Variants in HTT observed in about 807,000 individuals in gnomAD.
HTT encodes huntington disease protein.
HTT carries 104 observed loss-of-function variants against 362.3 expected under a neutral mutation model. The ratio of observed to expected loss-of-function variants is 0.29; its 90% CI spans 0.24 to 0.34. The LOEUF (loss-of-function observed/expected upper bound fraction) is 0.34. Among genes scored for constraint, HTT ranks in the 10% least tolerant of loss-of-function variants. The probability of loss-of-function intolerance (pLI) is 1.00; values close to 1 mark genes in which losing one functional copy is unlikely to be tolerated. For missense variants in HTT, 3,301 were observed against 3,928.6 expected, an observed-to-expected ratio of 0.84 and a Z score of 4.27; for synonymous variants, 1,577 against 1,548.7, an observed-to-expected ratio of 1.02 and a Z score of -0.43.
Position 3,074,890 on chromosome 4 carries a change from AGC to A in HTT, c.66_67del (p.Gln23AlafsTer59), listed in dbSNP as rs1491587733. The A allele has an allele frequency of 7.0e-7, 1 of 1,432,470 alleles. No individual in the cohort carries two copies. Among genetic ancestry groups the A allele is most frequent in the Non-Finnish European group, 9.2e-7 (1 of 1,082,060 alleles). 88.7% of individuals were successfully genotyped at this position (1,432,470 alleles called of 1,614,324 possible). A position where few individuals can be genotyped will look rare whatever the true frequency, so the allele number is the denominator to read the frequency against. On this transcript the variant is annotated frameshift_variant, in exon 1 of 67. Transcript: ENST00000355072. LOFTEE classifies it high-confidence loss of function. ...CTCAAGTCCTTCCAGCAGCAGCAGC[AGC>A]AGCAGCAGCAGCAGCAGCAGCAGCA...
rs192193192 is a variant in HTT, at chr4:3,204,274, A to G, written c.5718+126A>G. Reference sequence around the variant, plus strand: ...CCGGTGTCCTGCCAAGCTCCATCGAAACTAAATCTAGAATGAATGTTTACT... The same window carrying G: ...CCGGTGTCCTGCCAAGCTCCATCGAGACTAAATCTAGAATGAATGTTTACT... On this transcript the variant is annotated intron_variant, in intron 42 of 66. Coordinates refer to ENST00000355072, the MANE Select transcript of HTT (RefSeq NM_001388492.1). 2.2e-4 allele frequency: 188 copies of G among 839,768 alleles called. 1 individual carries two copies. In the East Asian group the frequency reaches 4.4e-3, roughly 20 times the overall value. The allele number at this position is 839,768 out of a possible 1,614,324, so 52.0% of individuals were successfully genotyped here.
intron 5 of HTT, 51 bp downstream of exon 5, chr4:3,105,487 G>C: frequency 8.7e-7 from 1 of 1,148,862 alleles, no homozygotes; most frequent in African/African-American, 1.5e-5. Context: ...AGCTGCTACT[G>C]ATCCTTTATG....
intron 1 of HTT, among the ~76,000 whole-genome samples, chr4:3,085,079 C>T (rs923137927): frequency 5.9e-5 from 9 of 151,604 alleles, no homozygotes; most frequent in Non-Finnish European, 8.8e-5. Context: ...CCCCTCCTTA[C>T]GCTTGTGTGC....
chr4:3,230,911 A>G (rs1721217775), intron 60 of HTT, among the ~76,000 whole-genome samples: 2 of 152,358 alleles, frequency 1.3e-5, no homozygotes, highest in East Asian at 1.9e-4. Flanking sequence ...AGACCATCCC[A>G]GCGGTCAAGT....
chr4:3,230,467 A>G (rs1009639252), intron 60 of HTT, among the ~76,000 whole-genome samples: 13 of 152,146 alleles, frequency 8.5e-5, no homozygotes, highest in African/African-American at 3.1e-4. Context: ...CTGGCTGGAC[A>G]GCTTCTCTCC....
chr4:3,189,026 G>A lies in HTT; in HGVS notation c.5301G>A (p.Gln1767=), dbSNP rs1718898938. 6.2e-7 allele frequency: 1 copy of A among 1,613,914 alleles called. No homozygotes were observed. Among genetic ancestry groups the A allele is most frequent in the South Asian group, 1.1e-5 (1 of 91,082 alleles). ...AGCTGAAGGTGGAAATGAGTGAGCAGCAACATACTTTCTATTGCCAGGAAC... is the reference window on the plus strand; with the variant it reads ...AGCTGAAGGTGGAAATGAGTGAGCAACAACATACTTTCTATTGCCAGGAAC... ...TKQLKVEMSE[Q]QHTFYCQELG... Residue 1767 remains glutamine (Q), a synonymous_variant, in exon 40 of 67, where the codon CAG becomes CAA. Coordinates refer to ENST00000355072, the MANE Select transcript of HTT (RefSeq NM_001388492.1).
chr4:3,159,488 C>T (rs1235651979), intron 28 of HTT, among the ~76,000 whole-genome samples: 1 of 152,228 alleles, frequency 6.6e-6, no homozygotes, highest in African/African-American at 2.4e-5. Context: ...TCAGTGGTGT[C>T]ACTGCTGGAT....
At chr4:3,082,508 G>A (rs913535720) in intron 1 of HTT, among the ~76,000 whole-genome samples, 1 of 152,124 alleles carries the variant, frequency 6.6e-6, no homozygotes, top group African/African-American at 2.4e-5. Context: ...ATGTCCATAG[G>A]TCCTTGCTAT....
intron 40 of HTT, among the ~76,000 whole-genome samples, chr4:3,194,689 G>C (rs1012119205): frequency 6.6e-6 from 1 of 152,152 alleles, no homozygotes; most frequent in Non-Finnish European, 1.5e-5. Flanking sequence ...GCTCACGGAG[G>C]CATGCTCACC....
intron 2 of HTT, among the ~76,000 whole-genome samples, chr4:3,088,929 T>C (rs897280075): frequency 2.1e-4 from 32 of 152,180 alleles, no homozygotes; most frequent in Admixed American, 1.9e-3. Context: ...AAATAACAAA[T>C]GAGCATATGT....
chr4:3,229,659 T>C (rs972917429), intron 59 of HTT, among the ~76,000 whole-genome samples: 19 of 150,722 alleles, frequency 1.3e-4, no homozygotes, highest in African/African-American at 4.4e-4. Context: ...ACACACCACA[T>C]ACGCCACATG....
chr4:3,199,969 C>T lies in HTT; in HGVS notation c.5576+30C>T, dbSNP rs200496198. ...GTTCATAATGCCCCACAGCCCAGGG[C>T]GCCAGCCCAGCACCCTGTCCTGAGA... On this transcript the variant is annotated intron_variant, in intron 41 of 66. Transcript: ENST00000355072. 96 of 1,579,100 alleles carry T rather than the reference C, an allele frequency of 6.1e-5. 1 individual carries two copies. In the African/African-American group the frequency reaches 9.7e-4, roughly 16 times the overall value.
intron 59 of HTT, among the ~76,000 whole-genome samples, chr4:3,229,529 CCA>C (rs1428494671): frequency 3.3e-5 from 5 of 150,236 alleles, no homozygotes; most frequent in East Asian, 3.9e-4. Flanking sequence ...CATGTACGCA[CCA>C]CACACATGCC....
Position 3,074,682 on chromosome 4 carries a change from C to T in HTT, c.-144C>T, listed in dbSNP as rs1042982466. The stretch of plus-strand genomic sequence containing the variant: ...TCTGGGACGCAAGGCGCCGTGGGGG[C>T]TGCCGGGACGGGTCCAAGATGGACG... On this transcript the variant is annotated 5_prime_UTR_variant, in exon 1 of 67. Transcript: ENST00000355072. 4 of 795,098 alleles carry T rather than the reference C, an allele frequency of 5.0e-6. No individual in the cohort carries two copies. The highest frequency in any genetic ancestry group is 3.7e-5 in the African/African-American group (2 of 54,286). 49.3% of individuals were successfully genotyped at this position (795,098 alleles called of 1,614,324 possible).
At chr4:3,146,727 C>T (rs1716622105) in intron 24 of HTT, 70 bp from the exon 25 acceptor site, 2 of 1,417,414 alleles carry the variant, frequency 1.4e-6, no homozygotes, top group Non-Finnish European at 9.9e-7. Flanking sequence ...CTTGGAATTG[C>T]AAGAGAAAGG....
chr4:3,173,212 GA>G, intron 31 of HTT, 81 bp downstream of exon 31: 1 of 1,146,556 alleles, frequency 8.7e-7, no homozygotes. Flanking sequence ...GAATAAAAAC[GA>G]AAAATGTTAG....
Position 3,091,735 on chromosome 4 carries a change from A to C in HTT, c.347+4713A>C, listed in dbSNP as rs146309007. Among the ~76,000 whole-genome samples the C allele has an allele frequency of 1.6e-3, 244 of 152,396 alleles. 2 individuals are homozygous for C. Among genetic ancestry groups the C allele is most frequent in the Admixed American group, 2.9e-3 (45 of 15,312 alleles). ...CAAGCTGATTAGGACACTAGTAATC[A>C]GTAGACTGAAACTGAAACAAAAATA... On this transcript the variant is annotated intron_variant, in intron 2 of 66. Transcript: ENST00000355072.
At chr4:3,121,898 T>G (rs372753182) in intron 9 of HTT, among the ~76,000 whole-genome samples, 177 of 152,238 alleles carry the variant, frequency 1.2e-3, no homozygotes, top group Middle Eastern at 6.8e-3. Context: ...GAATTAAAGT[T>G]TAGCAGGTTG....
intron 6 of HTT, among the ~76,000 whole-genome samples, chr4:3,112,021 T>C (rs1340722740): frequency 2.0e-5 from 3 of 152,242 alleles, no homozygotes; most frequent in Non-Finnish European, 4.4e-5. Flanking sequence ...CAGTCAGTTA[T>C]GTAGCTCTTG....
Sources: gnomAD v4.1 joint callset for allele counts (sites outside exome capture counted in the v4.1 genomes callset) on GRCh38, gnomAD v4.1.1 for gene constraint, MANE v1.5 for transcripts, NCBI Gene and HGNC (gene_info 2026-07-23, HGNC 2026-07-21) for gene names.